CCDC3: variants seen among roughly 807,000 people sequenced by gnomAD.
CCDC3 encodes the protein coiled-coil domain containing 3.
Under a neutral mutation model 21.4 loss-of-function variants are expected in CCDC3, and 24 were observed. That is an observed-to-expected ratio of 1.12 (90% confidence interval 0.81 to 1.58). The LOEUF is 1.58. CCDC3 is among the 40% of genes most tolerant of loss of function. The pLI is 0.00. For missense variants in CCDC3, 425 were observed against 360.9 expected (o/e 1.18, Z -1.44); for synonymous variants, 186 against 166.0 (o/e 1.12, Z -0.93).
intron 5 of CCDC3, among the ~76,000 whole-genome samples, chr10:13,024,133 A>G (rs1017280015): frequency 6.6e-6 from 1 of 152,180 alleles, no homozygotes; most frequent in Non-Finnish European, 1.5e-5. Flanking sequence ...GAAATGACCC[A>G]AAAGAAATGA....
intron 3 of CCDC3, among the ~76,000 whole-genome samples, chr10:13,078,434 T>C (rs1390908273): frequency 6.6e-6 from 1 of 152,242 alleles, no homozygotes; most frequent in Admixed American, 6.5e-5. Context: ...AGTTCAACCA[T>C]TGTGGAAGAC....
chr10:12,954,410 T>A (rs1233572463), intron 2 of CCDC3, among the ~76,000 whole-genome samples: 1 of 152,238 alleles, frequency 6.6e-6, no homozygotes, highest in African/African-American at 2.4e-5. Context: ...TCTTTGTCCA[T>A]TTGTGTTGGT....
At chr10:13,088,128 G>A (rs150699306) in intron 3 of CCDC3, among the ~76,000 whole-genome samples, 74 of 152,206 alleles carry the variant, frequency 4.9e-4, no homozygotes, top group Non-Finnish European at 8.1e-4. Context: ...GTACACAGCC[G>A]CCCCAGTCAA....
At chr10:12,972,091 A>G (rs928450885) in intron 2 of CCDC3, among the ~76,000 whole-genome samples, 5 of 152,016 alleles carry the variant, frequency 3.3e-5, no homozygotes, top group African/African-American at 1.2e-4. Context: ...CTCTCCACCT[A>G]GCACACTGCT....
chr10:12,926,043 ACTG>A (rs1834531767), intron 2 of CCDC3, among the ~76,000 whole-genome samples: 1 of 152,196 alleles, frequency 6.6e-6, no homozygotes, highest in African/African-American at 2.4e-5. Flanking sequence ...GAGCAGAGGG[ACTG>A]CTGGCTGCCT....
At position 12,992,817 on chromosome 10, in the gene CCDC3, A is replaced by G. The variant is rs547994817; in HGVS notation, c.549+5521T>C. 1.4e-3 allele frequency among the ~76,000 whole-genome samples: 219 copies of G among 152,312 alleles called. 2 individuals carry two copies. The highest frequency in any genetic ancestry group is 5.1e-3 in the African/African-American group (213 of 41,548). ...AACTGACTGAAATAATGATTTTTAA[A>G]ACACCACTGACTGTCTATAAAGGAA... On this transcript the variant is annotated intron_variant, in intron 2 of 2. Transcript: ENST00000378825.
upstream of CCDC3, among the ~76,000 whole-genome samples, chr10:13,006,177 G>C (rs1182122991): frequency 1.6e-4 from 25 of 152,220 alleles, no homozygotes; most frequent in Admixed American, 1.6e-3. Flanking sequence ...GAATAAATGT[G>C]ATAGAGAGCA....
At position 13,089,018 on chromosome 10, in the gene CCDC3, A is replaced by T. The variant is rs867227212; in HGVS notation, c.-503+9507T>A. Among the ~76,000 whole-genome samples the T allele has an allele frequency of 1.5e-3, 227 of 151,824 alleles. 2 individuals carry two copies. The highest frequency in any genetic ancestry group is 5.0e-3 in the African/African-American group (207 of 41,316). ...GAGTGAGACTGTCTCAAAAAAAAAA[A>T]AAAATAAAAGAAGAAAGAAATATTA... On this transcript the variant is annotated intron_variant, in intron 3 of 6. Transcript: ENST00000378839.
In CCDC3 at chr10:12,981,040, C is replaced by CT. The variant is rs879255847; in HGVS notation, c.549+17297dup. Among the ~76,000 whole-genome samples, 276 of 148,738 alleles carry CT rather than the reference C, an allele frequency of 1.9e-3. 2 individuals carry two copies. Among genetic ancestry groups the CT allele is most frequent in the South Asian group, 7.4e-3 (34 of 4,594 alleles). ...AGGAGACCCTTTATGGAAGATTAGA[C>CT]TTTTTTTTTTTTTTAAGAGACAGGG... is the stretch of plus-strand genomic sequence containing the variant. On this transcript the variant is annotated intron_variant, in intron 2 of 2. Coordinates refer to ENST00000378825, the MANE Select transcript of CCDC3 (RefSeq NM_031455.4).
At chr10:13,054,122 G>A (rs911608291) in intron 4 of CCDC3, among the ~76,000 whole-genome samples, 3 of 146,224 alleles carry the variant, frequency 2.1e-5, no homozygotes, top group African/African-American at 7.5e-5. Context: ...TCTGGCCTGG[G>A]TGACAGAGAG....
chr10:13,001,584 G>A lies in CCDC3; in HGVS notation c.-14C>T. 8.5e-7 allele frequency: 1 copy of A among 1,182,838 alleles called. No homozygotes were observed. 73.3% of individuals were successfully genotyped at this position (1,182,838 alleles called of 1,614,324 possible). ...CTGGCGCAGCATGCCGGGCCCTCCC[G>A]GGGCGCACGGGGCGGCGGCGGGGAG... On this transcript the variant is annotated 5_prime_UTR_variant, in exon 1 of 3. Transcript: ENST00000378825.
At chr10:13,082,014 G>A (rs1837045058) in intron 3 of CCDC3, among the ~76,000 whole-genome samples, 1 of 152,176 alleles carries the variant, frequency 6.6e-6, no homozygotes, top group African/African-American at 2.4e-5. Context: ...CAGCCCCCGA[G>A]GGCCATCCAG....
chr10:13,077,898 T>TA (rs1411455998), intron 3 of CCDC3, among the ~76,000 whole-genome samples: 136 of 152,238 alleles, frequency 8.9e-4, no homozygotes, highest in Middle Eastern at 3.4e-3. Flanking sequence ...CCTAAAACCA[T>TA]AAAAACCCTA....
At chr10:12,917,171 TTTCTTC>T (rs1231450137) in intron 2 of CCDC3, among the ~76,000 whole-genome samples, 1 of 127,454 alleles carries the variant, frequency 7.8e-6, no homozygotes. Context: ...AATGTCCTTA[TTTCTTC>T]TTCTTTTTTT....
intron 2 of CCDC3, among the ~76,000 whole-genome samples, chr10:12,922,679 G>A (rs976462016): frequency 3.3e-5 from 5 of 151,368 alleles, no homozygotes; most frequent in South Asian, 2.1e-4. Flanking sequence ...TTCCCGCGCC[G>A]CAGGAACCCA....
At chr10:12,908,496 C>G (rs1588999372) in intron 2 of CCDC3, among the ~76,000 whole-genome samples, 1 of 152,074 alleles carries the variant, frequency 6.6e-6, no homozygotes, top group South Asian at 2.1e-4. Context: ...TACAAAGAAG[C>G]CTGGGAAACA....
intron 5 of CCDC3, among the ~76,000 whole-genome samples, chr10:13,017,763 A>G (rs72777463): frequency 1.9e-4 from 29 of 152,240 alleles, no homozygotes; most frequent in Non-Finnish European, 3.4e-4. Flanking sequence ...GGCCACAGCA[A>G]TGAATGAAAC....
At chr10:12,944,648 A>T (rs964005483) in intron 2 of CCDC3, among the ~76,000 whole-genome samples, 12 of 152,222 alleles carry the variant, frequency 7.9e-5, no homozygotes, top group African/African-American at 2.9e-4. Context: ...CTTAGGCAAA[A>T]TAAACCTATA....
At chr10:13,029,957 C>A (rs1836277466) in intron 5 of CCDC3, among the ~76,000 whole-genome samples, 1 of 152,138 alleles carries the variant, frequency 6.6e-6, no homozygotes, top group Non-Finnish European at 1.5e-5. Context: ...CCTAGTAAGG[C>A]AGGCCAACAT....
Sources: allele counts gnomAD v4.1 joint callset (sites outside exome capture counted in the v4.1 genomes callset), GRCh38; gene constraint gnomAD v4.1.1; transcripts MANE v1.5; gene names NCBI Gene and HGNC (gene_info 2026-07-23, HGNC 2026-07-21).